Variants in G3BP2 observed in about 807,000 individuals in gnomAD.
G3BP2 encodes the protein ras GTPase-activating protein-binding protein 2.
Under a neutral mutation model 56.7 loss-of-function variants are expected in G3BP2, and 11 were observed. That is an observed-to-expected ratio of 0.19 (90% CI 0.12 to 0.32). The LOEUF (loss-of-function observed/expected upper bound fraction) is 0.32, where lower values mean the gene tolerates loss of function less well. Among genes scored for constraint, G3BP2 ranks in the 10% least tolerant of loss-of-function variants. The pLI, the probability that G3BP2 is intolerant of heterozygous loss-of-function variation, is 1.00. For synonymous variants in G3BP2, 165 were observed against 191.6 expected, an observed-to-expected ratio of 0.86 and a Z score of 1.15; for missense variants, 340 against 610.9, an observed-to-expected ratio of 0.56 and a Z score of 4.67.
intron 3 of G3BP2, among the ~76,000 whole-genome samples, chr4:75,695,546 C>T (rs532611736): frequency 1.1e-4 from 16 of 152,086 alleles, no homozygotes; most frequent in Non-Finnish European, 2.1e-4. Flanking sequence ...GGAGCAATCT[C>T]CCAAGAGCTG....
In G3BP2 at chr4:75,694,480, T is replaced by C. The variant is rs1376829551; in HGVS notation, c.-25+26397A>G. ...TTAGCCGGGCGTGGTGGCGGGCGCC[T>C]GTAGTCCCAGCTGTGCGGAAAGCTG... On this transcript the variant is annotated intron_variant, in intron 3 of 3. Transcript: ENST00000499709. Among the ~76,000 whole-genome samples, 4 of 152,342 alleles carry C rather than the reference T, an allele frequency of 2.6e-5. No individual in the cohort carries two copies. In the East Asian group the frequency reaches 7.7e-4, roughly 29 times the overall value.
chr4:75,699,963 C>A (rs1719274380), intron 3 of G3BP2, among the ~76,000 whole-genome samples: 1 of 151,954 alleles, frequency 6.6e-6, no homozygotes, highest in Non-Finnish European at 1.5e-5. Flanking sequence ...TAGTTCTAAT[C>A]ATCGCAAATG....
chr4:75,709,473 G>A (rs1272140843), intron 3 of G3BP2, among the ~76,000 whole-genome samples: 1 of 149,616 alleles, frequency 6.7e-6, no homozygotes, highest in South Asian at 2.1e-4. Context: ...CCAGCCAGGT[G>A]TAGTAGCACA....
chr4:75,661,962 A>G lies in G3BP2; in HGVS notation c.64T>C (p.Leu22=), dbSNP rs1369968270. ...GREFVRQYYT[L]LNKAPEYLHR... ...AAATATTCCGGAGCTTTATTCAGCAAAGTATAATATTGCCTCACAAACTCC... is the reference window on the plus strand; with the variant it reads ...AAATATTCCGGAGCTTTATTCAGCAGAGTATAATATTGCCTCACAAACTCC... The change falls in exon 2 of 12, where the codon TTG becomes CTG. Residue 22 remains leucine (L), a synonymous_variant. Transcript: ENST00000359707. The G allele has an allele frequency of 6.3e-7, 1 of 1,599,072 alleles. No homozygotes were observed. Among genetic ancestry groups the G allele is most frequent in the Non-Finnish European group, 8.6e-7 (1 of 1,166,502 alleles).
chr4:75,689,906 T>C (rs981709853), intron 3 of G3BP2, among the ~76,000 whole-genome samples: 3 of 152,154 alleles, frequency 2.0e-5, no homozygotes, highest in Admixed American at 6.5e-5. Flanking sequence ...GCAAAACTGA[T>C]TATTTTCAAA....
At chr4:75,711,401 G>A (rs1719752700) in intron 3 of G3BP2, among the ~76,000 whole-genome samples, 1 of 151,476 alleles carries the variant, frequency 6.6e-6, no homozygotes, top group Non-Finnish European at 1.5e-5. Context: ...CATATAGTGT[G>A]AGGAAAATAA....
intron 3 of G3BP2, among the ~76,000 whole-genome samples, chr4:75,709,814 C>T (rs915692354): frequency 1.9e-4 from 28 of 151,266 alleles, no homozygotes; most frequent in Non-Finnish European, 4.1e-4. Flanking sequence ...GGACTACAGG[C>T]ACACATCACT....
At chr4:75,673,533 T>C (rs1349257844), upstream of G3BP2, 2 of 1,231,886 alleles carry the variant, frequency 1.6e-6, no homozygotes, top group Non-Finnish European at 2.0e-6. Context: ...AACCTTCCCG[T>C]GTCCCTCTGC....
At chr4:75,688,426 T>C (rs1055726112) in intron 3 of G3BP2, among the ~76,000 whole-genome samples, 18 of 152,184 alleles carry the variant, frequency 1.2e-4, no homozygotes, top group Non-Finnish European at 2.6e-4. Context: ...ATTTTGTTTG[T>C]TGTGTGTATT....
At chr4:75,699,148 T>C (rs1719233298) in intron 3 of G3BP2, among the ~76,000 whole-genome samples, 1 of 152,162 alleles carries the variant, frequency 6.6e-6, no homozygotes. Context: ...TCTCCATCAT[T>C]GTGAAATTTT....
Position 75,658,912 on chromosome 4 carries a change from C to T in G3BP2, c.108G>A (p.Arg36=). ...APEYLHRFYG[R]NSSYVHGGVD... Reference sequence around the variant, plus strand: ...CTCCACCATGAACATAGGAAGAATTCCTGCCATAAAACCTGCAAAACCATA... The same window carrying T: ...CTCCACCATGAACATAGGAAGAATTTCTGCCATAAAACCTGCAAAACCATA... Residue 36 remains arginine (R), a synonymous_variant, in exon 3 of 12, where the codon AGG becomes AGA. Coordinates refer to ENST00000359707, the MANE Select transcript of G3BP2 (RefSeq NM_203505.3). 2.5e-6 allele frequency: 4 copies of T among 1,612,004 alleles called. No individual in the cohort carries two copies. The highest frequency in any genetic ancestry group is 3.4e-6 in the Non-Finnish European group (4 of 1,178,058).
intron 8 of G3BP2, among the ~76,000 whole-genome samples, chr4:75,652,249 AG>A (rs1342982891): frequency 3.3e-5 from 5 of 152,230 alleles, no homozygotes; most frequent in Non-Finnish European, 7.3e-5. Flanking sequence ...GGATTTAATC[AG>A]GCATGTCTTA....
Position 75,666,181 on chromosome 4 carries a change from C to T in G3BP2, c.-24-4132G>A, listed in dbSNP as rs147466813. On this transcript the variant is annotated intron_variant, in intron 1 of 11. Transcript: ENST00000359707. Reference sequence around the variant, plus strand: ...AAATTGCCCACTATCTACATGGTCACTGAAGTATAATGGCCAACATACCAT... The same window carrying T: ...AAATTGCCCACTATCTACATGGTCATTGAAGTATAATGGCCAACATACCAT... 3.3e-5 allele frequency among the ~76,000 whole-genome samples: 5 copies of T among 152,298 alleles called. No homozygotes were observed. In the East Asian group the frequency reaches 9.7e-4, roughly 29 times the overall value.
chr4:75,672,324 C>T (rs534784406), intron 1 of G3BP2, among the ~76,000 whole-genome samples: 2 of 152,296 alleles, frequency 1.3e-5, no homozygotes, highest in African/African-American at 4.8e-5. Flanking sequence ...AAGAAATCTG[C>T]TTTTAGAGAC....
chr4:75,720,022 C>CTTTTTTTTTTTTTTTTTTTTTTTTTTTTT (rs67468716), intron 3 of G3BP2, among the ~76,000 whole-genome samples: 1 of 97,320 alleles, frequency 1.0e-5, no homozygotes, highest in Non-Finnish European at 1.9e-5. Context: ...GCCCAGAACC[C>CTTTTTTTTTTTTTTTTTTTTTTTTTTTTT]TTTTTTTTTT....
intron 1 of G3BP2, chr4:75,672,793 A>C (rs1733594379): frequency 6.4e-6 from 1 of 156,878 alleles, no homozygotes; most frequent in Admixed American, 6.5e-5. Context: ...ATTCGGAAAC[A>C]GGAACGGTGG....
chr4:75,646,505 C>T (rs1322017272), intron 10 of G3BP2, 49 bp from the exon 11 acceptor site: 2 of 1,002,442 alleles, frequency 2.0e-6, no homozygotes, highest in Non-Finnish European at 3.2e-6. Context: ...TAACAGAATA[C>T]CTTGATGGCT....
intron 1 of G3BP2, among the ~76,000 whole-genome samples, chr4:75,665,839 A>G (rs755070876): frequency 6.6e-6 from 1 of 152,236 alleles, no homozygotes; most frequent in African/African-American, 2.4e-5. Flanking sequence ...CACATGGGAA[A>G]ATACTACATT....
chr4:75,655,892 C>T (rs1578389510), intron 5 of G3BP2, 22 bp from the exon 6 acceptor site: 1 of 1,181,804 alleles, frequency 8.5e-7, no homozygotes, highest in East Asian at 2.3e-5. Flanking sequence ...TAATACAGCA[C>T]ATCTTTTTTA....
Sources: allele counts gnomAD v4.1 joint callset (sites outside exome capture counted in the v4.1 genomes callset), GRCh38; gene constraint gnomAD v4.1.1; transcripts MANE v1.5; gene names NCBI Gene and HGNC (gene_info 2026-07-23, HGNC 2026-07-21).